Variants in PTTG1IP observed in about 807,000 individuals in gnomAD.
The protein encoded by PTTG1IP is PTTG1 interacting protein.
A neutral mutation model predicts 24.4 loss-of-function variants in PTTG1IP; 16 were observed. The observed-to-expected ratio is 0.66, with a 90% CI of 0.44 to 1.00. The LOEUF is 1.00. Among genes scored for constraint, PTTG1IP ranks in the 50% least tolerant of loss-of-function variants. The pLI is 0.00. For missense variants in PTTG1IP, 241 were observed against 245.8 expected, an observed-to-expected ratio of 0.98 and a Z score of 0.13; for synonymous variants, 89 against 96.8, an observed-to-expected ratio of 0.92 and a Z score of 0.47.
At chr21:44,856,864 C>A (rs535744802) in intron 3 of PTTG1IP, among the ~76,000 whole-genome samples, 1 of 152,066 alleles carries the variant, frequency 6.6e-6, no homozygotes, top group Non-Finnish European at 1.5e-5. Context: ...CACATACTGG[C>A]GGCCAGGTTC....
chr21:44,867,091 A>G (rs1157817443), intron 1 of PTTG1IP, among the ~76,000 whole-genome samples: 1 of 152,246 alleles, frequency 6.6e-6, no homozygotes, highest in African/African-American at 2.4e-5. Context: ...GGGTGGACAG[A>G]CAGACTGGAA....
chr21:44,861,453 A>G (rs2083491111), intron 2 of PTTG1IP, among the ~76,000 whole-genome samples, 182 bp from the exon 3 acceptor site: 1 of 152,150 alleles, frequency 6.6e-6, no homozygotes, highest in Non-Finnish European at 1.5e-5. Context: ...CACCCAGCAC[A>G]GCGGCCAGCA....
At chr21:44,858,387 A>G (rs540709148) in intron 3 of PTTG1IP, among the ~76,000 whole-genome samples, 3 of 152,298 alleles carry the variant, frequency 2.0e-5, no homozygotes, top group East Asian at 3.9e-4. Flanking sequence ...CCCGGCCACA[A>G]CTGCTCCTCC....
At chr21:44,858,390 G>C (rs893724616) in intron 3 of PTTG1IP, among the ~76,000 whole-genome samples, 1 of 152,204 alleles carries the variant, frequency 6.6e-6, no homozygotes, top group East Asian at 1.9e-4. Context: ...GGCCACAACT[G>C]CTCCTCCCCA....
At chr21:44,873,258 GACAAA>G (rs1359644667) in intron 1 of PTTG1IP, among the ~76,000 whole-genome samples, 3 of 152,204 alleles carry the variant, frequency 2.0e-5, no homozygotes, top group Admixed American at 2.0e-4. Context: ...GCAGCGACTG[GACAAA>G]ACAAAGACAA....
intron 1 of PTTG1IP, among the ~76,000 whole-genome samples, chr21:44,866,592 A>T (rs1472364264): frequency 8.4e-6 from 1 of 118,572 alleles, no homozygotes; most frequent in Non-Finnish European, 1.8e-5. Context: ...CAATCCCATA[A>T]CACACATACA....
chr21:44,868,050 G>A (rs1350448838), intron 1 of PTTG1IP, among the ~76,000 whole-genome samples: 1 of 152,200 alleles, frequency 6.6e-6, no homozygotes. Context: ...TTCGGTTTAT[G>A]GAGAAGTTTC....
Position 44,851,282 on chromosome 21 carries a change from C to T in PTTG1IP, c.*299G>A. 1 of 1,412,194 alleles carries T rather than the reference C, an allele frequency of 7.1e-7. No individual in the cohort carries two copies. The highest frequency in any genetic ancestry group is 1.4e-5 in the African/African-American group (1 of 69,570). The allele number at this position is 1,412,194 out of a possible 1,614,324, so 87.5% of individuals were successfully genotyped here. On this transcript the variant is annotated 3_prime_UTR_variant, in exon 6 of 6. Transcript: ENST00000330938. The stretch of plus-strand genomic sequence containing the variant: ...CACAGCGCTGGGTGCCGTCAGGCGG[C>T]TTCGTGTGCAGTTAGCGTTTCACAA...
At chr21:44,858,760 C>A (rs1290544973) in intron 3 of PTTG1IP, among the ~76,000 whole-genome samples, 1 of 152,228 alleles carries the variant, frequency 6.6e-6, no homozygotes, top group East Asian at 1.9e-4. Flanking sequence ...ACACCCACCA[C>A]TTGTAAAGGT....
At chr21:44,861,333 G>C in intron 2 of PTTG1IP, 62 bp from the exon 3 acceptor site, 1 of 1,432,194 alleles carries the variant, frequency 7.0e-7, no homozygotes, top group East Asian at 2.3e-5. Context: ...AACTGTCCAG[G>C]CTCTGCCCAC....
intron 2 of PTTG1IP, 139 bp from the exon 3 acceptor site, chr21:44,861,410 T>C: frequency 4.4e-6 from 3 of 681,424 alleles, no homozygotes; most frequent in African/African-American, 1.8e-5. Flanking sequence ...CAACGCCTCA[T>C]CTCTGCCTTC....
chr21:44,869,496 G>T (rs1309852919), intron 1 of PTTG1IP, among the ~76,000 whole-genome samples: 1 of 152,170 alleles, frequency 6.6e-6, no homozygotes, highest in Admixed American at 6.5e-5. Flanking sequence ...ATAGAGTCTT[G>T]CTATGTCACC....
At chr21:44,868,836 G>A (rs1192337705) in intron 1 of PTTG1IP, among the ~76,000 whole-genome samples, 2 of 152,164 alleles carry the variant, frequency 1.3e-5, no homozygotes, top group South Asian at 2.1e-4. Flanking sequence ...GTCTGCCCCC[G>A]AAGATGCCAA....
intron 1 of PTTG1IP, among the ~76,000 whole-genome samples, chr21:44,871,283 A>C (rs2083583201): frequency 6.6e-6 from 1 of 152,190 alleles, no homozygotes. Flanking sequence ...TCCCCACTGT[A>C]AGGAGCAGCT....
chr21:44,862,212 AG>A (rs2146463020), intron 2 of PTTG1IP, among the ~76,000 whole-genome samples: 1 of 152,338 alleles, frequency 6.6e-6, no homozygotes, highest in African/African-American at 2.4e-5. Flanking sequence ...CAGATGGCAC[AG>A]GAAGGGGTGA....
At chr21:44,851,918 A>G (rs1490935910) in intron 5 of PTTG1IP, among the ~76,000 whole-genome samples, 3 of 152,248 alleles carry the variant, frequency 2.0e-5, no homozygotes, top group Admixed American at 1.3e-4. Context: ...ATTTCTTTCC[A>G]CAGTGGTTGG....
At position 44,851,406 on chromosome 21, in the gene PTTG1IP, C is replaced by A; in HGVS notation, c.*175G>T. The A allele has an allele frequency of 1.9e-6, 3 of 1,566,836 alleles. No individual in the cohort carries two copies. Among genetic ancestry groups the A allele is most frequent in the Non-Finnish European group, 2.6e-6 (3 of 1,159,780 alleles). ...GAACAGGGAATAGAAGGTCACCAGTCTGCAAGACGAGAGGACTGTCCTTCA... is the reference window on the plus strand; with the variant it reads ...GAACAGGGAATAGAAGGTCACCAGTATGCAAGACGAGAGGACTGTCCTTCA... On this transcript the variant is annotated 3_prime_UTR_variant, in exon 6 of 6. Transcript: ENST00000330938.
At chr21:44,870,618 C>G (rs565202795) in intron 1 of PTTG1IP, among the ~76,000 whole-genome samples, 5 of 151,006 alleles carry the variant, frequency 3.3e-5, no homozygotes, top group African/African-American at 1.2e-4. Context: ...ATCACTATCT[C>G]TTATCTCATC....
At chr21:44,859,446 T>C (rs1409279714) in intron 3 of PTTG1IP, among the ~76,000 whole-genome samples, 2 of 151,890 alleles carry the variant, frequency 1.3e-5, no homozygotes, top group African/African-American at 4.8e-5. Context: ...CACACACGTG[T>C]GCATTATGTA....
Sources: gnomAD v4.1 joint callset for allele counts (sites outside exome capture counted in the v4.1 genomes callset) on GRCh38, gnomAD v4.1.1 for gene constraint, MANE v1.5 for transcripts, NCBI Gene and HGNC (gene_info 2026-07-23, HGNC 2026-07-21) for gene names.